The following LCLAT1 variants were observed in gnomAD, a reference collection of about 807,000 sequenced individuals.
LCLAT1 encodes 1-AGP acyltransferase 8.
In LCLAT1, 11 loss-of-function variants were observed where a neutral mutation model predicts 30.7. The ratio of observed to expected loss-of-function variants is 0.36; its 90% CI spans 0.23 to 0.59. LCLAT1 has a LOEUF of 0.59. Among genes scored for constraint, LCLAT1 ranks in the 20% least tolerant of loss-of-function variants. The pLI is 0.77. For synonymous variants in LCLAT1, 155 were observed against 151.3 expected, an observed-to-expected ratio of 1.02 and a Z score of -0.18; for missense variants, 402 against 458.6, an observed-to-expected ratio of 0.88 and a Z score of 1.13.
chr2:30,640,292 A>G lies in LCLAT1; in HGVS notation c.804A>G (p.Lys268=), dbSNP rs773565517. 1.5e-5 allele frequency: 24 copies of G among 1,614,146 alleles called. No homozygotes were observed. The highest frequency in any genetic ancestry group is 1.6e-4 in the Middle Eastern group (1 of 6,062). Residue 268 remains lysine (K), a synonymous_variant, in exon 6 of 6, where the codon AAA becomes AAG. Coordinates refer to ENST00000379509, the MANE Select transcript of LCLAT1 (RefSeq NM_001002257.3). ...AGGACCTTCAACTCTGGTGCCACAA[A>G]CGGTGGGAAGAGAAAGAAGAGAGGC... The part of the protein sequence containing the change: ...SKEDLQLWCH[K]RWEEKEERLR...
At chr2:30,521,610 G>A (rs1213468157) in intron 1 of LCLAT1, among the ~76,000 whole-genome samples, 15 of 136,450 alleles carry the variant, frequency 1.1e-4, no homozygotes, top group Admixed American at 9.9e-4. Context: ...AGGTTCAAGC[G>A]ATTCTTCTAC....
intron 5 of LCLAT1, among the ~76,000 whole-genome samples, chr2:30,603,542 G>A (rs1667288686): frequency 2.6e-5 from 4 of 151,844 alleles, no homozygotes; most frequent in Non-Finnish European, 5.9e-5. Context: ...AATCAAATGA[G>A]AGGACAGAAT....
chr2:30,534,925 A>C (rs538219875), intron 3 of LCLAT1, among the ~76,000 whole-genome samples: 68 of 152,342 alleles, frequency 4.5e-4, no homozygotes, highest in African/African-American at 1.4e-3. Flanking sequence ...TACCAGTAGC[A>C]AGATTGATTC....
chr2:30,558,456 C>G (rs941252613), intron 3 of LCLAT1, among the ~76,000 whole-genome samples: 1 of 151,848 alleles, frequency 6.6e-6, no homozygotes, highest in African/African-American at 2.4e-5. Flanking sequence ...AAAAATTAGC[C>G]GGGCATGGTG....
Position 30,640,683 on chromosome 2 carries a change from G to A in LCLAT1, c.*64G>A. Reference sequence around the variant, plus strand: ...TTGGAAATGTTCTAAACCTTTCTAAGCTCAGATGCATTTTTGCATGACTAT... The same window carrying A: ...TTGGAAATGTTCTAAACCTTTCTAAACTCAGATGCATTTTTGCATGACTAT... On this transcript the variant is annotated 3_prime_UTR_variant, in exon 6 of 6. Coordinates refer to ENST00000379509, the MANE Select transcript of LCLAT1 (RefSeq NM_001002257.3). 1 of 1,500,860 alleles carries A rather than the reference G, an allele frequency of 6.7e-7. No homozygotes were observed. The highest frequency in any genetic ancestry group is 8.9e-7 in the Non-Finnish European group (1 of 1,126,908). 93.0% of individuals were successfully genotyped at this position (1,500,860 alleles called of 1,614,324 possible).
chr2:30,562,380 T>C (rs940533761), intron 4 of LCLAT1, 88 bp downstream of exon 4: 18 of 1,062,004 alleles, frequency 1.7e-5, no homozygotes, highest in Non-Finnish European at 2.4e-5. Flanking sequence ...CCAACAAGAA[T>C]AATGGCTCTT....
chr2:30,541,114 T>G (rs1213237127), intron 3 of LCLAT1, among the ~76,000 whole-genome samples: 4 of 152,220 alleles, frequency 2.6e-5, no homozygotes, highest in Non-Finnish European at 4.4e-5. Flanking sequence ...GTCCATTTTC[T>G]GTGTTTAGGT....
At chr2:30,624,507 T>C (rs565466261) in intron 5 of LCLAT1, among the ~76,000 whole-genome samples, 1 of 152,184 alleles carries the variant, frequency 6.6e-6, no homozygotes, top group African/African-American at 2.4e-5. Context: ...GCAACAGCAG[T>C]TAAAAAAGAC....
At chr2:30,633,906 A>G (rs1668891991) in intron 5 of LCLAT1, among the ~76,000 whole-genome samples, 1 of 152,204 alleles carries the variant, frequency 6.6e-6, no homozygotes, top group Non-Finnish European at 1.5e-5. Context: ...GCCTCTTTCC[A>G]TTCTTTTGTT....
At chr2:30,568,883 A>AAAAAAAAG (rs1239321620) in intron 5 of LCLAT1, among the ~76,000 whole-genome samples, 1 of 150,632 alleles carries the variant, frequency 6.6e-6, no homozygotes, top group African/African-American at 2.5e-5. Flanking sequence ...AAAAAAAAAA[A>AAAAAAAAG]AGAGAAAAAA....
At chr2:30,485,365 A>T (rs1683514907) in intron 1 of LCLAT1, among the ~76,000 whole-genome samples, 1 of 152,058 alleles carries the variant, frequency 6.6e-6, no homozygotes, top group South Asian at 2.1e-4. Context: ...AATTTTTTGG[A>T]CAGCTTTTTT....
At chr2:30,542,941 C>T (rs1199308470) in intron 3 of LCLAT1, among the ~76,000 whole-genome samples, 9 of 142,088 alleles carry the variant, frequency 6.3e-5, no homozygotes, top group East Asian at 4.2e-4. Context: ...TTTTAATATT[C>T]GACTTTTATG....
In LCLAT1 at chr2:30,556,501, CAT is replaced by C. The variant is rs530067253; in HGVS notation, c.365-5643_365-5642del. On this transcript the variant is annotated intron_variant, in intron 3 of 5. Transcript: ENST00000379509. Reference sequence around the variant, plus strand: ...ACAAGGGAGTATAAGAAACAGGAAACATAAAATGAGCTATCAGGAAAAGAAAA... The same window carrying C: ...ACAAGGGAGTATAAGAAACAGGAAACAAAATGAGCTATCAGGAAAAGAAAA... Among the ~76,000 whole-genome samples, 1,111 of 145,280 alleles carry C rather than the reference CAT, an allele frequency of 7.6e-3. 5 individuals are homozygous for C. Among genetic ancestry groups the C allele is most frequent in the Admixed American group, 0.011 (151 of 13,986 alleles).
chr2:30,628,228 G>A (rs990060128), intron 5 of LCLAT1, among the ~76,000 whole-genome samples: 1 of 152,102 alleles, frequency 6.6e-6, no homozygotes, highest in Admixed American at 6.5e-5. Context: ...CATCACAGAA[G>A]CTATGTGAAG....
At chr2:30,593,117 A>G (rs1666770315) in intron 5 of LCLAT1, among the ~76,000 whole-genome samples, 2 of 152,056 alleles carry the variant, frequency 1.3e-5, no homozygotes, top group South Asian at 2.1e-4. Flanking sequence ...CTCTGCCTCC[A>G]TGAGATCCAC....
intron 1 of LCLAT1, among the ~76,000 whole-genome samples, chr2:30,471,186 A>T (rs1682766395): frequency 6.6e-6 from 1 of 151,446 alleles, no homozygotes; most frequent in South Asian, 2.1e-4. Flanking sequence ...TGCTGGGATT[A>T]CTGGCATGAG....
At chr2:30,481,030 A>G (rs1462746972) in intron 1 of LCLAT1, among the ~76,000 whole-genome samples, 1 of 152,192 alleles carries the variant, frequency 6.6e-6, no homozygotes, top group Non-Finnish European at 1.5e-5. Context: ...TAAGGAGTTG[A>G]CATTAAGCTG....
intron 1 of LCLAT1, among the ~76,000 whole-genome samples, chr2:30,459,185 C>T (rs954245734): frequency 2.0e-5 from 3 of 152,088 alleles, no homozygotes; most frequent in Non-Finnish European, 4.4e-5. Flanking sequence ...AAAGGAGCTG[C>T]CCCTTACCTG....
intron 5 of LCLAT1, chr2:30,606,311 G>A (rs1244510957): frequency 3.4e-6 from 1 of 293,134 alleles, no homozygotes; most frequent in Non-Finnish European, 6.6e-6. Flanking sequence ...CACAGCTGGA[G>A]GCATCACATT....
Sources: allele counts gnomAD v4.1 joint callset (sites outside exome capture counted in the v4.1 genomes callset), GRCh38; gene constraint gnomAD v4.1.1; transcripts MANE v1.5; gene names NCBI Gene and HGNC (gene_info 2026-07-23, HGNC 2026-07-21).